Variants in MECOM observed in about 807,000 individuals in gnomAD.
MECOM encodes the protein histone-lysine N-methyltransferase MECOM.
In MECOM, 13 loss-of-function variants were observed where a neutral mutation model predicts 116.3. That is an observed-to-expected ratio of 0.11 (90% CI 0.07 to 0.18). The LOEUF is 0.18. Among genes scored for constraint, MECOM ranks in the 10% least tolerant of loss-of-function variants. MECOM has a pLI of 1.00. For synonymous variants in MECOM, 528 were observed against 535.2 expected (o/e 0.99, Z 0.19); for missense variants, 1,299 against 1,509.0 (o/e 0.86, Z 2.31).
intron 1 of MECOM, among the ~76,000 whole-genome samples, chr3:169,390,122 C>T (rs1464743705): frequency 2.6e-5 from 4 of 152,134 alleles, no homozygotes; most frequent in African/African-American, 7.2e-5. Context: ...AGAGTCATAG[C>T]TGCTTGGGGT....
intron 2 of MECOM, among the ~76,000 whole-genome samples, chr3:169,159,737 G>A (rs181446328): frequency 3.3e-5 from 5 of 152,228 alleles, no homozygotes; most frequent in Admixed American, 3.3e-4. Context: ...AAGAAGTTTA[G>A]GATAGTGACT....
chr3:169,596,322 G>A (rs1479089075), intron 1 of MECOM, among the ~76,000 whole-genome samples: 3 of 152,186 alleles, frequency 2.0e-5, no homozygotes, highest in African/African-American at 7.2e-5. Flanking sequence ...CATGAAACAA[G>A]AGAAGGAAGA....
At chr3:169,421,697 A>C (rs776706994) in intron 1 of MECOM, among the ~76,000 whole-genome samples, 7 of 152,062 alleles carry the variant, frequency 4.6e-5, no homozygotes, top group Non-Finnish European at 8.8e-5. Context: ...TAAAAAAAAA[A>C]AACAAAACGA....
intron 1 of MECOM, among the ~76,000 whole-genome samples, chr3:169,417,949 G>T (rs191773007): frequency 6.7e-6 from 1 of 150,114 alleles, no homozygotes; most frequent in African/African-American, 2.5e-5. Context: ...ACACTCTGGG[G>T]ACTGTTGTGG....
At chr3:169,375,745 G>C (rs776188655) in intron 2 of MECOM, among the ~76,000 whole-genome samples, 14 of 152,104 alleles carry the variant, frequency 9.2e-5, no homozygotes, top group Non-Finnish European at 1.6e-4. Flanking sequence ...AATTCTACCA[G>C]AGGTACAAAG....
chr3:169,104,665 GAAAC>G (rs1466736370), intron 10 of MECOM, among the ~76,000 whole-genome samples: 1 of 152,156 alleles, frequency 6.6e-6, no homozygotes. Context: ...ACATCTCATA[GAAAC>G]ACGTTTCCTT....
At chr3:169,382,862 A>AAT (rs1732662875) in intron 1 of MECOM, among the ~76,000 whole-genome samples, 4 of 85,216 alleles carry the variant, frequency 4.7e-5, no homozygotes, top group African/African-American at 1.8e-4. Flanking sequence ...AAAAAAAAAA[A>AAT]AATAAAAAAA....
intron 1 of MECOM, among the ~76,000 whole-genome samples, chr3:169,638,528 G>A (rs540127563): frequency 6.6e-6 from 1 of 152,244 alleles, no homozygotes; most frequent in African/African-American, 2.4e-5. Context: ...CGTCTTACAA[G>A]TAATCATGTA....
chr3:169,317,817 A>G (rs2149744187), intron 2 of MECOM, among the ~76,000 whole-genome samples: 1 of 152,338 alleles, frequency 6.6e-6, no homozygotes, highest in East Asian at 1.9e-4. Flanking sequence ...TATAGCCAAG[A>G]CAATCCTAAG....
intron 2 of MECOM, chr3:169,145,511 T>G (rs776107747): frequency 6.1e-5 from 14 of 229,836 alleles, no homozygotes; most frequent in Non-Finnish European, 1.1e-4. Context: ...TTGTTGTTTG[T>G]TTCCTTGACT....
chr3:169,321,264 G>A (rs1344051107), intron 2 of MECOM, among the ~76,000 whole-genome samples: 4 of 152,204 alleles, frequency 2.6e-5, no homozygotes, highest in Admixed American at 6.5e-5. Flanking sequence ...AGAGTGGGCC[G>A]GGTGAGGTGG....
At chr3:169,115,266 C>T in intron 8 of MECOM, 117 bp downstream of exon 8, 2 of 1,120,710 alleles carry the variant, frequency 1.8e-6, no homozygotes, top group Non-Finnish European at 2.5e-6. Flanking sequence ...GATCAAACAA[C>T]TTCACTCTGT....
chr3:169,168,751 C>A (rs1187262633), intron 2 of MECOM, among the ~76,000 whole-genome samples: 2 of 151,562 alleles, frequency 1.3e-5, no homozygotes, highest in Admixed American at 6.6e-5. Flanking sequence ...CTGGTTGGAA[C>A]CAGACAATTG....
chr3:169,446,253 G>T (rs572018086), intron 1 of MECOM, among the ~76,000 whole-genome samples: 1 of 152,200 alleles, frequency 6.6e-6, no homozygotes, highest in Admixed American at 6.5e-5. Flanking sequence ...GAATTCCCAC[G>T]TGTTGTGGGA....
intron 1 of MECOM, among the ~76,000 whole-genome samples, chr3:169,625,150 G>A (rs985206741): frequency 6.6e-6 from 1 of 152,050 alleles, no homozygotes; most frequent in African/African-American, 2.4e-5. Flanking sequence ...GTGGCCCAAA[G>A]GCAATTACAA....
intron 2 of MECOM, among the ~76,000 whole-genome samples, chr3:169,261,837 T>G (rs769844758): frequency 2.6e-5 from 4 of 152,254 alleles, no homozygotes; most frequent in Non-Finnish European, 4.4e-5. Flanking sequence ...TGCTGGGCAG[T>G]GCCCACCTGT....
At chr3:169,548,638 G>A (rs1761010361) in intron 1 of MECOM, among the ~76,000 whole-genome samples, 1 of 152,184 alleles carries the variant, frequency 6.6e-6, no homozygotes, top group African/African-American at 2.4e-5. Flanking sequence ...TCATGAAAGG[G>A]ACAATAGAGA....
At chr3:169,574,285 G>A (rs1764245391) in intron 1 of MECOM, among the ~76,000 whole-genome samples, 1 of 152,056 alleles carries the variant, frequency 6.6e-6, no homozygotes, top group Admixed American at 6.5e-5. Flanking sequence ...CTGAGATCTG[G>A]TGATTTCACC....
At chr3:169,178,666 T>A (rs1028011014) in intron 2 of MECOM, among the ~76,000 whole-genome samples, 1 of 152,222 alleles carries the variant, frequency 6.6e-6, no homozygotes, top group African/African-American at 2.4e-5. Context: ...CCATGTTTGA[T>A]TTTTCAAAAT....
Sources: gnomAD v4.1 joint callset for allele counts (sites outside exome capture counted in the v4.1 genomes callset) on GRCh38, gnomAD v4.1.1 for gene constraint, MANE v1.5 for transcripts, NCBI Gene and HGNC (gene_info 2026-07-23, HGNC 2026-07-21) for gene names.